The following SCD5 variants were observed in gnomAD, a reference collection of about 807,000 sequenced individuals.
SCD5 encodes stearoyl-CoA desaturase 5.
SCD5 carries 20 observed loss-of-function variants against 30.4 expected under a neutral mutation model. The ratio of observed to expected loss-of-function variants is 0.66; its 90% CI spans 0.46 to 0.96. The LOEUF (loss-of-function observed/expected upper bound fraction) is 0.96. Ranked by LOEUF, SCD5 falls within the 40% of genes least tolerant of loss-of-function variation. The probability of loss-of-function intolerance (pLI) is 0.00; values close to 1 mark genes in which losing one functional copy is unlikely to be tolerated. For synonymous variants in SCD5, 173 were observed against 176.4 expected (o/e 0.98, Z 0.16); for missense variants, 381 against 443.3 (o/e 0.86, Z 1.26).
At chr4:82,714,733 G>A (rs1172729550) in intron 1 of SCD5, among the ~76,000 whole-genome samples, 2 of 152,122 alleles carry the variant, frequency 1.3e-5, no homozygotes, top group Non-Finnish European at 2.9e-5. Context: ...CCCACATGAT[G>A]CTCAAAGGAA....
chr4:82,669,933 A>G (rs1274063596), intron 3 of SCD5, among the ~76,000 whole-genome samples: 1 of 152,150 alleles, frequency 6.6e-6, no homozygotes, highest in Non-Finnish European at 1.5e-5. Flanking sequence ...AGAAGAAACT[A>G]AGAAACACTT....
At chr4:82,640,099 T>C (rs1560521430) in intron 3 of SCD5, among the ~76,000 whole-genome samples, 1 of 152,174 alleles carries the variant, frequency 6.6e-6, no homozygotes, top group Non-Finnish European at 1.5e-5. Context: ...CTCTGACCCC[T>C]GCTCTCTGAC....
At chr4:82,713,076 G>A (rs1446076720) in intron 1 of SCD5, among the ~76,000 whole-genome samples, 2 of 152,126 alleles carry the variant, frequency 1.3e-5, no homozygotes, top group Admixed American at 6.6e-5. Flanking sequence ...CTAAGCCATC[G>A]TCTACTGTGC....
intron 1 of SCD5, among the ~76,000 whole-genome samples, chr4:82,751,679 T>C (rs1721105050): frequency 6.6e-6 from 1 of 152,206 alleles, no homozygotes; most frequent in Non-Finnish European, 1.5e-5. Context: ...CAGGCTGGAG[T>C]GCACTGGTGC....
At chr4:82,766,720 A>G (rs1721495151) in intron 1 of SCD5, among the ~76,000 whole-genome samples, 1 of 152,036 alleles carries the variant, frequency 6.6e-6, no homozygotes, top group Non-Finnish European at 1.5e-5. Flanking sequence ...AAGATTGTTG[A>G]GCTTTGTTCT....
At chr4:82,792,571 A>C (rs1722122537) in intron 1 of SCD5, among the ~76,000 whole-genome samples, 1 of 151,884 alleles carries the variant, frequency 6.6e-6, no homozygotes, top group Non-Finnish European at 1.5e-5. Flanking sequence ...ACAAACAAAA[A>C]ACAGCTGGGT....
chr4:82,640,057 G>A (rs115661931), intron 3 of SCD5, among the ~76,000 whole-genome samples: 6,300 of 152,276 alleles, frequency 0.041, 172 homozygotes, highest in South Asian at 0.092. Flanking sequence ...TGGCCTCCCA[G>A]GGAGAGGCCG....
rs1722200193 is a variant in SCD5, at chr4:82,795,834, A to G, written c.232+2472T>C. On this transcript the variant is annotated intron_variant, in intron 1 of 4. Transcript: ENST00000319540. The stretch of plus-strand genomic sequence containing the variant: ...CAAAAAAAAAAAAAAAAAAAAAAAA[A>G]AGCAGCAGAGGCAGTAGCTATTCAT... 2.7e-5 allele frequency among the ~76,000 whole-genome samples: 4 copies of G among 150,614 alleles called. No individual in the cohort carries two copies. The South Asian group carries it at 8.4e-4, about 31-fold the overall frequency.
chr4:82,699,533 C>T (rs1719768789), intron 2 of SCD5, among the ~76,000 whole-genome samples: 3 of 149,530 alleles, frequency 2.0e-5, no homozygotes, highest in Non-Finnish European at 3.0e-5. Flanking sequence ...TACAGGCACA[C>T]GCCACCATGC....
intron 1 of SCD5, among the ~76,000 whole-genome samples, chr4:82,767,386 C>G (rs1023050974): frequency 2.0e-5 from 3 of 152,140 alleles, no homozygotes; most frequent in Non-Finnish European, 4.4e-5. Context: ...TCTGTCTCCT[C>G]GACTCAAGGA....
Position 82,705,395 on chromosome 4 carries a change from A to G in SCD5, c.251T>C (p.Leu84Pro). Reference sequence around the variant, plus strand: ...ACCAGCTGTCACACCCAGAGCGGCCAGGAGGAAGCAGAAGTAGGCTGCAAG... The same window carrying G: ...ACCAGCTGTCACACCCAGAGCGGCCGGGAGGAAGCAGAAGTAGGCTGCAAG... ...TLLWAYFCFL[L>P]AALGVTAGAH... is the part of the protein sequence containing the mutation. Residue 84 changes from leucine to proline, a missense_variant, in exon 2 of 5, where the codon CTG becomes CCG. Leu to Pro is a moderately conservative substitution (Grantham distance 98). Transcript: ENST00000319540. 6.2e-7 allele frequency: 1 copy of G among 1,614,230 alleles called. No homozygotes were observed. The highest frequency in any genetic ancestry group is 8.5e-7 in the Non-Finnish European group (1 of 1,180,034).
intron 1 of SCD5, among the ~76,000 whole-genome samples, chr4:82,766,281 T>G (rs1721483214): frequency 6.6e-6 from 1 of 152,236 alleles, no homozygotes; most frequent in South Asian, 2.1e-4. Context: ...TCCTTCTTTT[T>G]CCAGTGTTTT....
intron 3 of SCD5, among the ~76,000 whole-genome samples, chr4:82,673,225 CTTTG>C (rs985136278): frequency 2.1e-5 from 3 of 146,062 alleles, no homozygotes; most frequent in African/African-American, 7.9e-5. Context: ...ATAAAATTGT[CTTTG>C]TTTGTAGATG....
At chr4:82,699,920 A>C (rs866337415) in intron 2 of SCD5, among the ~76,000 whole-genome samples, 4 of 151,630 alleles carry the variant, frequency 2.6e-5, no homozygotes, top group South Asian at 2.1e-4. Context: ...TCGGCCTCCC[A>C]AAGTGCTGGG....
chr4:82,670,227 A>G (rs1295479267), intron 3 of SCD5, among the ~76,000 whole-genome samples: 1 of 152,216 alleles, frequency 6.6e-6, no homozygotes, highest in Non-Finnish European at 1.5e-5. Context: ...GGAATTTAAA[A>G]TAACTATGAT....
chr4:82,702,787 G>A (rs112790198), intron 2 of SCD5, among the ~76,000 whole-genome samples: 177 of 152,296 alleles, frequency 1.2e-3, no homozygotes, highest in African/African-American at 4.0e-3. Context: ...AGGGTTGTAA[G>A]TCACCATCCT....
At chr4:82,744,528 T>C (rs1720944899) in intron 1 of SCD5, among the ~76,000 whole-genome samples, 2 of 152,194 alleles carry the variant, frequency 1.3e-5, no homozygotes, top group Non-Finnish European at 2.9e-5. Context: ...CCAGTCTCAC[T>C]TGTCTGGAAT....
Position 82,680,828 on chromosome 4 carries a change from C to T in SCD5, c.448G>A (p.Gly150Ser). ...TDADPHNARR[G>S]FFFSHIGWLF... The stretch of plus-strand genomic sequence containing the variant: ...CACCCAATATGGGAGAAGAAGAAGC[C>T]CCGGCGGGCATTGTGGGGGTCAGCA... Residue 150 changes from glycine to serine, a missense_variant, in exon 3 of 5, where the codon GGC becomes AGC. Transcript: ENST00000319540. 1.2e-6 allele frequency: 2 copies of T among 1,613,828 alleles called. No homozygotes were observed. Among genetic ancestry groups the T allele is most frequent in the Non-Finnish European group, 1.7e-6 (2 of 1,179,976 alleles).
chr4:82,705,537 A>G (rs893535704), intron 1 of SCD5, 124 bp from the exon 2 acceptor site: 2 of 1,296,446 alleles, frequency 1.5e-6, no homozygotes, highest in African/African-American at 3.0e-5. Context: ...CTGCAACATG[A>G]AGAATCAATA....
Sources: gnomAD v4.1 joint callset for allele counts (sites outside exome capture counted in the v4.1 genomes callset) on GRCh38, gnomAD v4.1.1 for gene constraint, MANE v1.5 for transcripts, NCBI Gene and HGNC (gene_info 2026-07-23, HGNC 2026-07-21) for gene names.